Variants in NDUFAF2 observed in about 807,000 individuals in gnomAD.
The protein encoded by NDUFAF2 is NADH dehydrogenase [ubiquinone] 1 alpha subcomplex assembly factor 2.
In NDUFAF2, 13 loss-of-function variants were observed where a neutral mutation model predicts 22.8. The observed-to-expected ratio is 0.57, with a 90% CI of 0.37 to 0.91. NDUFAF2 has a LOEUF of 0.91. Ranked by LOEUF, NDUFAF2 falls within the 40% of genes least tolerant of loss-of-function variation. The pLI is 0.01. For synonymous variants in NDUFAF2, 53 were observed against 64.2 expected (o/e 0.83, Z 0.84); for missense variants, 162 against 195.2 (o/e 0.83, Z 1.01).
In NDUFAF2 at chr5:61,011,579, C is replaced by T. The variant is rs546272065; in HGVS notation, c.128-61546C>T. ...AAGGTAGGTCTTCACTGAACTAGTTCTGTGGCATCATTTTCAGTGGTTTCC... is the reference window on the plus strand; with the variant it reads ...AAGGTAGGTCTTCACTGAACTAGTTTTGTGGCATCATTTTCAGTGGTTTCC... On this transcript the variant is annotated intron_variant, in intron 1 of 3. Transcript: ENST00000296597. Among the ~76,000 whole-genome samples the T allele has an allele frequency of 1.3e-5, 2 of 152,182 alleles. 1 individual carries two copies. The highest frequency in any genetic ancestry group is 4.1e-4 in the South Asian group (2 of 4,824).
At chr5:61,104,301 T>A (rs1204188287) in intron 3 of NDUFAF2, among the ~76,000 whole-genome samples, 1 of 152,126 alleles carries the variant, frequency 6.6e-6, no homozygotes, top group African/African-American at 2.4e-5. Context: ...CTTCTTTTTT[T>A]TATACTAACA....
intron 1 of NDUFAF2, among the ~76,000 whole-genome samples, chr5:60,980,500 A>G (rs539847599): frequency 3.0e-4 from 45 of 152,310 alleles, no homozygotes; most frequent in African/African-American, 1.1e-3. Context: ...GGGCAGGTGC[A>G]GTAGCTCATG....
chr5:61,075,159 C>T (rs1752351966), intron 2 of NDUFAF2, among the ~76,000 whole-genome samples: 1 of 152,082 alleles, frequency 6.6e-6, no homozygotes, highest in Non-Finnish European at 1.5e-5. Flanking sequence ...GTTAATTTAC[C>T]TGGGTTATAT....
chr5:61,126,474 A>G (rs1753037103), intron 3 of NDUFAF2, among the ~76,000 whole-genome samples: 1 of 152,058 alleles, frequency 6.6e-6, no homozygotes, highest in Admixed American at 6.6e-5. Flanking sequence ...AGTTTATCAT[A>G]AAAACATTTC....
At chr5:61,119,231 T>C (rs1752948926) in intron 3 of NDUFAF2, among the ~76,000 whole-genome samples, 3 of 152,204 alleles carry the variant, frequency 2.0e-5, no homozygotes, top group African/African-American at 2.4e-5. Flanking sequence ...AAGGCTTATA[T>C]ATTTGCATTA....
chr5:61,051,402 A>G (rs1752022169), intron 1 of NDUFAF2, among the ~76,000 whole-genome samples: 1 of 152,184 alleles, frequency 6.6e-6, no homozygotes, highest in Non-Finnish European at 1.5e-5. Context: ...CCAGATCAGT[A>G]ATAGCCAAAG....
chr5:61,051,464 G>A (rs9291703), intron 1 of NDUFAF2, among the ~76,000 whole-genome samples: 1 of 152,090 alleles, frequency 6.6e-6, no homozygotes, highest in African/African-American at 2.4e-5. Context: ...ATCTTGGTAT[G>A]CCTCCAGGAA....
At chr5:61,077,366 A>G (rs527733691) in intron 2 of NDUFAF2, among the ~76,000 whole-genome samples, 228 of 152,358 alleles carry the variant, frequency 1.5e-3, no homozygotes, top group African/African-American at 5.1e-3. Flanking sequence ...CCAAATATCA[A>G]GGAGGAAGAA....
chr5:61,059,350 A>G (rs1752136243), intron 1 of NDUFAF2, among the ~76,000 whole-genome samples: 1 of 152,098 alleles, frequency 6.6e-6, no homozygotes, highest in South Asian at 2.1e-4. Context: ...ACACAAATTT[A>G]CAATAGGTTA....
At chr5:61,152,674 A>G (rs1269172887) in intron 3 of NDUFAF2, 30 bp from the exon 4 acceptor site, 1 of 1,421,534 alleles carries the variant, frequency 7.0e-7, no homozygotes, top group African/African-American at 1.5e-5. Flanking sequence ...TAGAAATTTA[A>G]TAATTTCTTC....
chr5:61,098,889 C>G (rs978256213), intron 2 of NDUFAF2, 103 bp from the exon 3 acceptor site: 5 of 750,596 alleles, frequency 6.7e-6, no homozygotes, highest in Admixed American at 4.4e-5. Flanking sequence ...TCTCCAGTAC[C>G]TAAAATAATA....
At chr5:61,040,293 C>CGCGCGT (rs1751860835) in intron 1 of NDUFAF2, among the ~76,000 whole-genome samples, 1 of 127,738 alleles carries the variant, frequency 7.8e-6, no homozygotes, top group African/African-American at 4.6e-5. Flanking sequence ...CACACGCGCG[C>CGCGCGT]GCGCGCGCGA....
intron 2 of NDUFAF2, among the ~76,000 whole-genome samples, chr5:61,077,010 A>G (rs1382792969): frequency 2.0e-5 from 3 of 152,236 alleles, no homozygotes. Context: ...GTGCAGTTAA[A>G]GGAGTGCAGT....
At chr5:61,141,635 C>T (rs1741059993) in intron 3 of NDUFAF2, among the ~76,000 whole-genome samples, 1 of 151,468 alleles carries the variant, frequency 6.6e-6, no homozygotes, top group South Asian at 2.1e-4. Flanking sequence ...ATCCCTAGGC[C>T]CTTAAATTGT....
intron 1 of NDUFAF2, among the ~76,000 whole-genome samples, chr5:61,027,145 CAT>C (rs1382323275): frequency 6.6e-6 from 1 of 151,760 alleles, no homozygotes; most frequent in East Asian, 1.9e-4. Flanking sequence ...TATTTTTTCA[CAT>C]ACTCAATTAA....
At chr5:61,109,672 C>A (rs1007601939) in intron 3 of NDUFAF2, among the ~76,000 whole-genome samples, 3 of 152,122 alleles carry the variant, frequency 2.0e-5, no homozygotes, top group South Asian at 2.1e-4. Context: ...GGGTTGTTTT[C>A]CCCATGCTGT....
chr5:61,099,791 A>G (rs1752684687), intron 3 of NDUFAF2, among the ~76,000 whole-genome samples: 1 of 152,084 alleles, frequency 6.6e-6, no homozygotes. Flanking sequence ...CCTTTCTTCT[A>G]CTATTTAGGA....
At chr5:61,131,606 C>T (rs990708054) in intron 3 of NDUFAF2, among the ~76,000 whole-genome samples, 7 of 151,106 alleles carry the variant, frequency 4.6e-5, no homozygotes, top group African/African-American at 9.8e-5. Flanking sequence ...GGGGATTGAA[C>T]GAATAAATTA....
intron 1 of NDUFAF2, among the ~76,000 whole-genome samples, chr5:61,013,138 C>G (rs779998937): frequency 6.6e-6 from 1 of 152,116 alleles, no homozygotes; most frequent in Admixed American, 6.6e-5. Flanking sequence ...GTTAGTGTTG[C>G]AAGCATTCAA....
Sources: gnomAD v4.1 joint callset for allele counts (sites outside exome capture counted in the v4.1 genomes callset) on GRCh38, gnomAD v4.1.1 for gene constraint, MANE v1.5 for transcripts, NCBI Gene and HGNC (gene_info 2026-07-23, HGNC 2026-07-21) for gene names.